The following NADSYN1 variants were observed in gnomAD, a reference collection of about 807,000 sequenced individuals.
The protein encoded by NADSYN1 is NAD synthetase 1.
Under a neutral mutation model 99.3 loss-of-function variants are expected in NADSYN1, and 80 were observed. The observed-to-expected ratio is 0.81, with a 90% CI of 0.67 to 0.97. NADSYN1 has a LOEUF of 0.97. Ranked by LOEUF, NADSYN1 falls within the 50% of genes least tolerant of loss-of-function variation. The probability of loss-of-function intolerance (pLI) is 0.00; values close to 1 mark genes in which losing one functional copy is unlikely to be tolerated. For missense variants in NADSYN1, 859 were observed against 948.5 expected (o/e 0.91, Z 1.24); for synonymous variants, 385 against 372.1 (o/e 1.03, Z -0.40).
chr11:71,486,549 C>T lies in NADSYN1; in HGVS notation c.1562+901C>T, dbSNP rs915262474. The stretch of plus-strand genomic sequence containing the variant: ...CATCCATTCATCTACCCACACATCC[C>T]TCCACCCACCTGTCCATCCATGCAT... On this transcript the variant is annotated intron_variant, in intron 16 of 20. Transcript: ENST00000319023. Among the ~76,000 whole-genome samples, 3 of 151,628 alleles carry T rather than the reference C, an allele frequency of 2.0e-5. No homozygotes were observed. The East Asian group carries it at 5.8e-4, about 29-fold the overall frequency.
At chr11:71,469,945 G>T (rs987898469) in intron 5 of NADSYN1, among the ~76,000 whole-genome samples, 1 of 67,168 alleles carries the variant, frequency 1.5e-5, no homozygotes, top group Non-Finnish European at 3.1e-5. Context: ...AAAAAAAAAA[G>T]ACGTGTGTTA....
intron 16 of NADSYN1, among the ~76,000 whole-genome samples, chr11:71,490,232 CT>C (rs1326353925): frequency 6.6e-6 from 1 of 152,232 alleles, no homozygotes; most frequent in Non-Finnish European, 1.5e-5. Flanking sequence ...GCGTCTCTGC[CT>C]TTCCCCTGCA....
At chr11:71,463,924 T>A in intron 4 of NADSYN1, 129 bp from the exon 5 acceptor site, 1 of 684,508 alleles carries the variant, frequency 1.5e-6, no homozygotes, top group Admixed American at 2.5e-5. Flanking sequence ...AGGAGAGAGA[T>A]TTGCTCGGGG....
At chr11:71,454,356 C>T (rs1263628853) in intron 1 of NADSYN1, among the ~76,000 whole-genome samples, 5 of 152,126 alleles carry the variant, frequency 3.3e-5, no homozygotes, top group Non-Finnish European at 5.9e-5. Flanking sequence ...GGATTACAGG[C>T]GTCTGCCACC....
intron 9 of NADSYN1, chr11:71,476,000 C>G: frequency 2.2e-6 from 1 of 455,786 alleles, no homozygotes; most frequent in Non-Finnish European, 4.4e-6. Context: ...AGGTGTGAGC[C>G]ACCGCACCCG....
rs1450521112 is a variant in NADSYN1 at position 71,490,846 on chromosome 11, C to A, written c.1564C>A (p.Leu522Ile). 1.2e-6 allele frequency: 2 copies of A among 1,614,156 alleles called. No homozygotes were observed. Among genetic ancestry groups the A allele is most frequent in the Non-Finnish European group, 8.5e-7 (1 of 1,179,996 alleles). ...VLGSANVDES[L>I]LGYLTKYDCS... ...CGCTCTTTCTCCCTCTCCCTGCAGTCTCCTGGGCTACCTGACCAAGTACGA... is the reference window on the plus strand; with the variant it reads ...CGCTCTTTCTCCCTCTCCCTGCAGTATCCTGGGCTACCTGACCAAGTACGA... Residue 522 changes from leucine to isoleucine, a missense_variant and splice_region_variant, in exon 17 of 21, where the codon CTC (leucine) becomes ATC (isoleucine). By Grantham distance (5) the Leu-to-Ile change is conservative. Transcript: ENST00000319023.
At position 71,497,595 on chromosome 11, in the gene NADSYN1, T is replaced by C; in HGVS notation, c.1877T>C (p.Ile626Thr). The change falls in exon 19 of 21, where the codon ATC becomes ACC. Residue 626 changes from isoleucine (I) to threonine (T), a missense_variant. By Grantham distance (89) the Ile-to-Thr change is moderately conservative. Coordinates refer to ENST00000319023, the MANE Select transcript of NADSYN1 (RefSeq NM_018161.5). Reference sequence around the variant, plus strand: ...AAACTCCTCGGCATGTGGAGACACATCTGCACCCCGAGACAGGTAAAGCCT... The same window carrying C: ...AAACTCCTCGGCATGTGGAGACACACCTGCACCCCGAGACAGGTAAAGCCT... ...FCKLLGMWRH[I>T]CTPRQVADKV... 2 of 1,614,014 alleles carry C rather than the reference T, an allele frequency of 1.2e-6. No homozygotes were observed. Among genetic ancestry groups the C allele is most frequent in the Non-Finnish European group, 1.7e-6 (2 of 1,179,986 alleles).
intron 15 of NADSYN1, chr11:71,485,325 G>A: frequency 2.7e-6 from 1 of 371,464 alleles, no homozygotes; most frequent in Non-Finnish European, 4.9e-6. Context: ...ATCTTTGAAG[G>A]CAAGGCACCA....
intron 10 of NADSYN1, chr11:71,478,905 A>G (rs1949686973): frequency 1.2e-5 from 2 of 163,762 alleles, no homozygotes; most frequent in African/African-American, 2.4e-5. Flanking sequence ...TGTGTCTGAG[A>G]CCCTGGGATG....
intron 9 of NADSYN1, chr11:71,477,204 G>A: frequency 8.4e-7 from 1 of 1,183,722 alleles, no homozygotes. Flanking sequence ...CGTGTGCCTG[G>A]AGTCAGGCCG....
At chr11:71,489,438 C>T (rs978723614) in intron 16 of NADSYN1, among the ~76,000 whole-genome samples, 7 of 150,216 alleles carry the variant, frequency 4.7e-5, no homozygotes, top group Admixed American at 2.6e-4. Context: ...CCTGGCCCCA[C>T]GGGTCGCAGG....
chr11:71,497,282 T>C (rs1487467978), intron 18 of NADSYN1: 2 of 604,062 alleles, frequency 3.3e-6, no homozygotes, highest in Admixed American at 3.0e-5. Flanking sequence ...CCAAACCAAA[T>C]GCCTGGTTCT....
At position 71,474,413 on chromosome 11, in the gene NADSYN1, C is replaced by T. The variant is rs372559723; in HGVS notation, c.685C>T (p.Leu229=). 1.8e-4 allele frequency: 296 copies of T among 1,614,064 alleles called. 1 individual carries two copies. Among genetic ancestry groups the T allele is most frequent in the Non-Finnish European group, 1.7e-4 (197 of 1,180,018 alleles). ...TTTTCAGAACGGTGGGATTTACTTGCTGGCCAACCAGAAGGGTTGTGACGG... is the reference window on the plus strand; with the variant it reads ...TTTTCAGAACGGTGGGATTTACTTGTTGGCCAACCAGAAGGGTTGTGACGG... ...VTSKNGGIYL[L]ANQKGCDGDR... The change falls in exon 9 of 21, where the codon CTG becomes TTG. Residue 229 remains leucine (L), a synonymous_variant. Transcript: ENST00000319023.
intron 19 of NADSYN1, 34 bp from the exon 20 acceptor site, chr11:71,498,318 G>T (rs1253681160): frequency 6.2e-7 from 1 of 1,610,980 alleles, no homozygotes; most frequent in African/African-American, 1.3e-5. Flanking sequence ...TCCAGTTTTG[G>T]TAACATGAAG....
In NADSYN1 at chr11:71,453,242, G is replaced by C; in HGVS notation, c.-55G>C. The C allele has an allele frequency of 6.5e-7, 1 of 1,527,970 alleles. No individual in the cohort carries two copies. The highest frequency in any genetic ancestry group is 9.0e-7 in the Non-Finnish European group (1 of 1,110,740). The allele number at this position is 1,527,970 out of a possible 1,614,324, so 94.7% of individuals were successfully genotyped here. A position where few individuals can be genotyped will look rare whatever the true frequency, so the allele number is the denominator to read the frequency against. On this transcript the variant is annotated 5_prime_UTR_variant, in exon 1 of 21. Transcript: ENST00000319023. The stretch of plus-strand genomic sequence containing the variant: ...GGCGTCCCAGCCGCCTACCTCGCTG[G>C]GACCCTGGTCTTGCTGTCCCCCGCT...
At chr11:71,497,749 T>C (rs1035191972) in intron 19 of NADSYN1, 138 bp downstream of exon 19, 25 of 1,170,812 alleles carry the variant, frequency 2.1e-5, no homozygotes, top group Non-Finnish European at 2.8e-5. Flanking sequence ...CAGTAACACT[T>C]TTCAGTTATT....
intron 3 of NADSYN1, among the ~76,000 whole-genome samples, chr11:71,459,315 T>A (rs1186979975): frequency 6.6e-6 from 1 of 150,380 alleles, no homozygotes; most frequent in East Asian, 2.0e-4. Flanking sequence ...TGTGCTGGCG[T>A]CTGTGCTGTC....
intron 10 of NADSYN1, 164 bp downstream of exon 10, chr11:71,478,633 A>G: frequency 1.6e-6 from 1 of 639,726 alleles, no homozygotes; most frequent in Non-Finnish European, 2.8e-6. Flanking sequence ...CCGCAGACAG[A>G]ACCTGCTTCC....
chr11:71,458,358 G>A, intron 2 of NADSYN1, 70 bp from the exon 3 acceptor site: 1 of 1,180,990 alleles, frequency 8.5e-7, no homozygotes, highest in Admixed American at 1.7e-5. Context: ...GACTGGACTG[G>A]CCCACAGGCC....
Sources: allele counts gnomAD v4.1 joint callset (sites outside exome capture counted in the v4.1 genomes callset), GRCh38; gene constraint gnomAD v4.1.1; transcripts MANE v1.5; gene names NCBI Gene and HGNC (gene_info 2026-07-23, HGNC 2026-07-21).